The following TMEM108 variants were observed in gnomAD, a reference collection of about 807,000 sequenced individuals.
TMEM108 encodes cancer/testis antigen 124.
Under a neutral mutation model 35.1 loss-of-function variants are expected in TMEM108, and 12 were observed. That is an observed-to-expected ratio of 0.34 (90% CI 0.22 to 0.55). The LOEUF is 0.55. TMEM108 is among the 20% of genes least tolerant of loss of function. TMEM108 has a pLI of 0.89. For missense variants in TMEM108, 680 were observed against 753.3 expected (o/e 0.90, Z 1.14); for synonymous variants, 287 against 308.6 (o/e 0.93, Z 0.73).
chr3:133,250,306 G>C (rs1009021539), intron 3 of TMEM108, among the ~76,000 whole-genome samples: 1 of 152,150 alleles, frequency 6.6e-6, no homozygotes, highest in Non-Finnish European at 1.5e-5. Context: ...CCAGTGTGAA[G>C]ACAACAAGGA....
chr3:133,222,648 T>G (rs1477674726), intron 2 of TMEM108, among the ~76,000 whole-genome samples: 1 of 152,074 alleles, frequency 6.6e-6, no homozygotes, highest in Non-Finnish European at 1.5e-5. Context: ...GCTTGACCAT[T>G]TCTGTTGTTG....
intron 3 of TMEM108, chr3:133,303,466 G>A (rs1331583279): frequency 6.6e-6 from 1 of 152,130 alleles, no homozygotes; most frequent in Non-Finnish European, 1.5e-5. Flanking sequence ...ATTTCACTAT[G>A]TGTAGAAAAT....
At chr3:133,240,390 G>T (rs1025737038) in intron 3 of TMEM108, among the ~76,000 whole-genome samples, 2 of 152,098 alleles carry the variant, frequency 1.3e-5, no homozygotes, top group African/African-American at 4.8e-5. Context: ...ATTCTCTTCT[G>T]CAGATAAAAC....
chr3:133,176,124 A>C (rs1034721555), intron 2 of TMEM108, among the ~76,000 whole-genome samples: 1 of 149,818 alleles, frequency 6.7e-6, no homozygotes, highest in Non-Finnish European at 1.5e-5. Context: ...AGAGCTAACT[A>C]TCCTAAATAC....
chr3:133,294,760 T>A (rs1278541323), intron 3 of TMEM108, among the ~76,000 whole-genome samples: 1 of 152,198 alleles, frequency 6.6e-6, no homozygotes, highest in African/African-American at 2.4e-5. Flanking sequence ...GCCAGCACAT[T>A]CCCTTTAATA....
At chr3:133,232,121 G>A (rs577464087) in intron 3 of TMEM108, among the ~76,000 whole-genome samples, 1 of 152,262 alleles carries the variant, frequency 6.6e-6, no homozygotes, top group African/African-American at 2.4e-5. Flanking sequence ...TGCATCTTGC[G>A]AGTGATGTTA....
chr3:133,178,842 T>C (rs945999894), intron 2 of TMEM108, among the ~76,000 whole-genome samples: 5 of 151,828 alleles, frequency 3.3e-5, no homozygotes, highest in Admixed American at 6.6e-5. Context: ...TTCTGCACAG[T>C]AAAAGAAACT....
intron 4 of TMEM108, chr3:133,387,482 C>G: frequency 1.0e-6 from 1 of 985,474 alleles, no homozygotes; most frequent in Middle Eastern, 5.2e-4. Flanking sequence ...CCCAGGCCTT[C>G]CCGCAGGGCA....
intron 2 of TMEM108, among the ~76,000 whole-genome samples, chr3:133,114,374 A>G (rs1256666214): frequency 2.6e-5 from 4 of 152,210 alleles, no homozygotes; most frequent in Non-Finnish European, 5.9e-5. Context: ...TCATCTTACA[A>G]TGAGGTGAGG....
chr3:133,243,454 A>G (rs996012678), intron 3 of TMEM108, among the ~76,000 whole-genome samples: 1 of 149,416 alleles, frequency 6.7e-6, no homozygotes, highest in Non-Finnish European at 1.5e-5. Flanking sequence ...TACAAATTTC[A>G]TAAGGAAAAA....
At chr3:133,244,063 G>T (rs557600842) in intron 3 of TMEM108, among the ~76,000 whole-genome samples, 21 of 152,306 alleles carry the variant, frequency 1.4e-4, no homozygotes, top group Middle Eastern at 3.4e-3. Flanking sequence ...TCACACCTTG[G>T]ACTTGTCTTC....
At chr3:133,059,774 T>C (rs1161874154) in intron 2 of TMEM108, among the ~76,000 whole-genome samples, 1 of 152,242 alleles carries the variant, frequency 6.6e-6, no homozygotes, top group East Asian at 1.9e-4. Context: ...AAAGTTGTTC[T>C]GTTCCTTTGT....
At chr3:133,168,030 CAG>C (rs1223537544) in intron 2 of TMEM108, among the ~76,000 whole-genome samples, 3 of 152,178 alleles carry the variant, frequency 2.0e-5, no homozygotes, top group African/African-American at 7.2e-5. Flanking sequence ...CTTAGTGCCA[CAG>C]AGAGTCTGTT....
chr3:133,283,351 A>G (rs1423379497), intron 3 of TMEM108, among the ~76,000 whole-genome samples: 2 of 152,204 alleles, frequency 1.3e-5, no homozygotes, highest in Non-Finnish European at 2.9e-5. Flanking sequence ...ATTTCAGGAA[A>G]TAACCATGTA....
intron 5 of TMEM108, among the ~76,000 whole-genome samples, chr3:133,393,218 C>T (rs535634231): frequency 3.7e-4 from 56 of 152,192 alleles, no homozygotes; most frequent in Non-Finnish European, 5.9e-4. Context: ...GTTCAAATGC[C>T]ACCTCCTCTG....
intron 2 of TMEM108, among the ~76,000 whole-genome samples, chr3:133,110,454 A>G (rs1009039735): frequency 3.3e-5 from 5 of 152,212 alleles, no homozygotes; most frequent in Admixed American, 2.6e-4. Context: ...TACATCCTCC[A>G]TTGCTTTCTG....
intron 2 of TMEM108, among the ~76,000 whole-genome samples, chr3:133,215,141 G>A (rs1422559080): frequency 6.6e-6 from 1 of 151,954 alleles, no homozygotes; most frequent in Non-Finnish European, 1.5e-5. Context: ...TCTTTTATGT[G>A]TTTCTGATTA....
chr3:133,387,250 T>G, intron 4 of TMEM108: 1 of 985,474 alleles, frequency 1.0e-6, no homozygotes, highest in Non-Finnish European at 1.2e-6. Flanking sequence ...TCTTTAATTC[T>G]CATTACAAGC....
chr3:133,192,543 A>AT (rs1355619119), intron 2 of TMEM108, among the ~76,000 whole-genome samples: 1 of 152,118 alleles, frequency 6.6e-6, no homozygotes, highest in East Asian at 1.9e-4. Context: ...ACTGAGAGGA[A>AT]TGTGGAGTGA....
Sources: gnomAD v4.1 joint callset for allele counts (sites outside exome capture counted in the v4.1 genomes callset) on GRCh38, gnomAD v4.1.1 for gene constraint, MANE v1.5 for transcripts, NCBI Gene and HGNC (gene_info 2026-07-23, HGNC 2026-07-21) for gene names.